PDGFRA: variants seen among roughly 807,000 people sequenced by gnomAD.
The protein encoded by PDGFRA is platelet-derived growth factor receptor alpha.
In PDGFRA, 25 loss-of-function variants were observed where a neutral mutation model predicts 121.5. That is an observed-to-expected ratio of 0.21 (90% CI 0.15 to 0.29). The LOEUF (loss-of-function observed/expected upper bound fraction) is 0.29, where lower values mean the gene tolerates loss of function less well. Ranked by LOEUF, PDGFRA falls within the 10% of genes least tolerant of loss-of-function variation. The pLI is 1.00. For synonymous variants in PDGFRA, 463 were observed against 494.8 expected, an observed-to-expected ratio of 0.94 and a Z score of 0.85; for missense variants, 1,008 against 1,345.1, an observed-to-expected ratio of 0.75 and a Z score of 3.92.
intron 1 of PDGFRA, among the ~76,000 whole-genome samples, chr4:54,254,635 C>T (rs1340227914): frequency 1.3e-5 from 2 of 152,184 alleles, no homozygotes; most frequent in African/African-American, 4.8e-5. Context: ...ATAAAAGCCA[C>T]GACGACATCA....
At chr4:54,293,094 A>G (rs188630975) in intron 22 of PDGFRA, among the ~76,000 whole-genome samples, 71 of 152,344 alleles carry the variant, frequency 4.7e-4, no homozygotes, top group Non-Finnish European at 8.5e-4. Flanking sequence ...AGAGTCACAC[A>G]TTGCACTTGG....
In PDGFRA at chr4:54,267,602, A is replaced by G. The variant is rs772538462; in HGVS notation, c.982A>G (p.Asn328Asp). The change falls in exon 7 of 23, where the codon AAC becomes GAC. Residue 328 changes from asparagine to aspartate, a missense_variant. Asn to Asp is a conservative substitution (Grantham distance 23, BLOSUM62 1). This residue lies in a region of PDGFRA where 575 missense variants were observed against 701.8 expected (regional missense o/e 0.82). Transcript: ENST00000257290. ...CACCTTCAGCCAGTTGGAAGCTGTC[A>G]ACCTGCATGAAGTCAAACATTTTGT... ...KPTFSQLEAV[N>D]LHEVKHFVVE... 4 of 1,614,236 alleles carry G rather than the reference A, an allele frequency of 2.5e-6. No individual in the cohort carries two copies. In the East Asian group the frequency reaches 8.9e-5, roughly 36 times the overall value.
intron 1 of PDGFRA, among the ~76,000 whole-genome samples, chr4:54,243,929 A>G (rs1481779589): frequency 1.3e-5 from 2 of 152,246 alleles, no homozygotes; most frequent in African/African-American, 2.4e-5. Context: ...CACATGGCTC[A>G]GAGGGTCCTA....
At chr4:54,292,482 C>T (rs774399613) in intron 22 of PDGFRA, among the ~76,000 whole-genome samples, 1 of 151,800 alleles carries the variant, frequency 6.6e-6, no homozygotes, top group Non-Finnish European at 1.5e-5. Flanking sequence ...GACACATGGA[C>T]ACATGGAGGG....
chr4:54,267,544 C>T lies in PDGFRA; in HGVS notation c.932-8C>T, dbSNP rs374863127. 112 of 1,614,004 alleles carry T rather than the reference C, an allele frequency of 6.9e-5. No individual in the cohort carries two copies. The highest frequency in any genetic ancestry group is 6.6e-4 in the Middle Eastern group (4 of 6,084). On this transcript the variant is annotated splice_polypyrimidine_tract_variant and splice_region_variant and intron_variant, in intron 6 of 22. Coordinates refer to ENST00000257290, the MANE Select transcript of PDGFRA (RefSeq NM_006206.6). ...ATCATTATTTAATGGAAACTCTTCC[C>T]TGTACAGAGAAAGGTTTCATTGAAA...
At chr4:54,257,614 T>C (rs901891982) in intron 1 of PDGFRA, among the ~76,000 whole-genome samples, 1 of 152,200 alleles carries the variant, frequency 6.6e-6, no homozygotes, top group Non-Finnish European at 1.5e-5. Flanking sequence ...GTGTGGCTTC[T>C]TGAGTCAATA....
At position 54,274,987 on chromosome 4, in the gene PDGFRA, G is replaced by C. The variant is rs748088868; in HGVS notation, c.1786+14G>C. The C allele has an allele frequency of 6.2e-7, 1 of 1,613,836 alleles. No homozygotes were observed. The highest frequency in any genetic ancestry group is 1.1e-5 in the South Asian group (1 of 91,070). On this transcript the variant is annotated intron_variant, in intron 12 of 22. Coordinates refer to ENST00000257290, the MANE Select transcript of PDGFRA (RefSeq NM_006206.6). Reference sequence around the variant, plus strand: ...GACTAGTGCTTGGTAAGTTCCATGGGGTAACCTCCCAAGACTCCCTTTTCC... The same window carrying C: ...GACTAGTGCTTGGTAAGTTCCATGGCGTAACCTCCCAAGACTCCCTTTTCC...
At chr4:54,233,664 GGGGGCCGAGGTCTCT>G (rs1420070323) in intron 1 of PDGFRA, among the ~76,000 whole-genome samples, 1 of 152,012 alleles carries the variant, frequency 6.6e-6, no homozygotes, top group Non-Finnish European at 1.5e-5. Context: ...GTGGACGAGA[GGGGGCCGAGGTCTCT>G]GGGTTTGGAT....
intron 1 of PDGFRA, among the ~76,000 whole-genome samples, chr4:54,255,820 A>AAACAAC (rs768327064): frequency 4.6e-5 from 7 of 151,436 alleles, no homozygotes; most frequent in Non-Finnish European, 5.9e-5. Flanking sequence ...TTTTTTTTTA[A>AAACAAC]AACAACAACA....
At chr4:54,282,086 T>A (rs1724109616) in intron 16 of PDGFRA, 2 of 549,972 alleles carry the variant, frequency 3.6e-6, no homozygotes, top group Non-Finnish European at 4.7e-6. Context: ...ATTTGCTAAT[T>A]ATGGTTGAAA....
intron 5 of PDGFRA, 148 bp from the exon 6 acceptor site, chr4:54,267,141 C>A: frequency 1.3e-6 from 1 of 790,942 alleles, no homozygotes. Flanking sequence ...TGTAGCCTCC[C>A]ACCTTGTCAA....
At chr4:54,290,224 T>G in intron 21 of PDGFRA, 89 bp from the exon 22 acceptor site, 1 of 1,067,408 alleles carries the variant, frequency 9.4e-7, no homozygotes, top group Non-Finnish European at 1.5e-6. Context: ...ATATGTACAG[T>G]TAAATAATAG....
chr4:54,229,405 CGGA>C lies in PDGFRA; in HGVS notation c.-18_-16del. On this transcript the variant is annotated 5_prime_UTR_variant, in exon 1 of 23. Coordinates refer to ENST00000257290, the MANE Select transcript of PDGFRA (RefSeq NM_006206.6). ...TGGGACATTCATTGCGGAATAACATCGGAGGAGAAGGTAAGGGAAAAGAAAAAA... is the reference window on the plus strand; with the variant it reads ...TGGGACATTCATTGCGGAATAACATCGGAGAAGGTAAGGGAAAAGAAAAAA... The C allele has an allele frequency of 2.5e-6, 1 of 398,004 alleles. No homozygotes were observed. Among genetic ancestry groups the C allele is most frequent in the Non-Finnish European group, 4.4e-6 (1 of 225,992 alleles). 24.7% of individuals were successfully genotyped at this position (398,004 alleles called of 1,614,324 possible).
intron 22 of PDGFRA, among the ~76,000 whole-genome samples, chr4:54,292,409 AAC>A (rs1246054475): frequency 5.1e-4 from 78 of 152,358 alleles, no homozygotes; most frequent in African/African-American, 1.8e-3. Flanking sequence ...TCAGCAAACT[AAC>A]ACAGGAACAG....
At chr4:54,254,287 C>G (rs1722227914) in intron 1 of PDGFRA, among the ~76,000 whole-genome samples, 1 of 152,188 alleles carries the variant, frequency 6.6e-6, no homozygotes, top group African/African-American at 2.4e-5. Flanking sequence ...TGAAACTTCA[C>G]AAACAGGCCT....
intron 1 of PDGFRA, among the ~76,000 whole-genome samples, chr4:54,257,305 C>T (rs1722428090): frequency 6.6e-6 from 1 of 152,212 alleles, no homozygotes. Context: ...ATGAATAATG[C>T]ACCCTTAGTT....
At chr4:54,268,199 G>C (rs924817639) in intron 7 of PDGFRA, among the ~76,000 whole-genome samples, 1 of 152,196 alleles carries the variant, frequency 6.6e-6, no homozygotes, top group African/African-American at 2.4e-5. Context: ...GACTCCACAG[G>C]AAAGAAGAGT....
chr4:54,277,476 A>G lies in PDGFRA; in HGVS notation c.1875A>G (p.Ala625=). 6.2e-7 allele frequency: 1 copy of G among 1,612,574 alleles called. No individual in the cohort carries two copies. The highest frequency in any genetic ancestry group is 8.5e-7 in the Non-Finnish European group (1 of 1,178,546). The change falls in exon 13 of 23, where the codon GCA becomes GCG. Residue 625 remains alanine (A), a synonymous_variant. Coordinates refer to ENST00000257290, the MANE Select transcript of PDGFRA (RefSeq NM_006206.6). Reference sequence around the variant, plus strand: ...GGTCCCAACCTGTCATGAAAGTTGCAGTGAAGATGCTAAAACGTAAGTGCT... The same window carrying G: ...GGTCCCAACCTGTCATGAAAGTTGCGGTGAAGATGCTAAAACGTAAGTGCT... The part of the protein sequence containing the change: ...LSRSQPVMKV[A]VKMLKPTARS...
intron 12 of PDGFRA, chr4:54,277,102 C>T (rs1723771606): frequency 1.1e-5 from 5 of 467,634 alleles, no homozygotes; most frequent in South Asian, 6.5e-5. Flanking sequence ...TGGCCCAGCA[C>T]GGAGCTGGTA....
Sources: allele counts gnomAD v4.1 joint callset (sites outside exome capture counted in the v4.1 genomes callset), GRCh38; gene constraint gnomAD v4.1.1; regional missense constraint gnomAD v4.1.1; transcripts MANE v1.5; gene names NCBI Gene and HGNC (gene_info 2026-07-23, HGNC 2026-07-21).